Variants in IFT57 observed in about 807,000 individuals in gnomAD.
IFT57 encodes the protein intraflagellar transport protein 57 homolog.
A neutral mutation model predicts 56.8 loss-of-function variants in IFT57; 59 were observed. That is an observed-to-expected ratio of 1.04 (90% CI 0.84 to 1.29). IFT57 has a LOEUF of 1.29. IFT57 is among the 50% of genes most tolerant of loss of function. The pLI is 0.00. For synonymous variants in IFT57, 209 were observed against 186.1 expected (o/e 1.12, Z -1.00); for missense variants, 470 against 522.1 (o/e 0.90, Z 0.97).
At chr3:108,186,086 T>C (rs1441146768) in intron 6 of IFT57, among the ~76,000 whole-genome samples, 1 of 152,052 alleles carries the variant, frequency 6.6e-6, no homozygotes, top group African/African-American at 2.4e-5. Context: ...TTATTACACA[T>C]AGTACTCTAT....
At chr3:108,192,232 C>T (rs2080219859) in intron 5 of IFT57, among the ~76,000 whole-genome samples, 1 of 147,314 alleles carries the variant, frequency 6.8e-6, no homozygotes, top group African/African-American at 2.5e-5. Context: ...GAAATACAAA[C>T]CCCAAATCTG....
chr3:108,162,011 C>G lies in IFT57; in HGVS notation c.*466G>C, dbSNP rs1035761874. 1 of 152,362 alleles carries G rather than the reference C, an allele frequency of 6.6e-6. No individual in the cohort carries two copies. Among genetic ancestry groups the G allele is most frequent in the Admixed American group, 6.5e-5 (1 of 15,278 alleles). The allele number at this position is 152,362 out of a possible 1,614,324, so 9.4% of individuals were successfully genotyped here. The stretch of plus-strand genomic sequence containing the variant: ...TAAAAAAAGTGGCAATTTTAGGTAA[C>G]CATAAAGCTGAGGCAAAGGCAGTTT... On this transcript the variant is annotated 3_prime_UTR_variant, in exon 11 of 11. Transcript: ENST00000264538.
intron 8 of IFT57, among the ~76,000 whole-genome samples, 166 bp from the exon 9 acceptor site, chr3:108,165,659 C>T (rs1024247251): frequency 6.6e-6 from 1 of 152,052 alleles, no homozygotes; most frequent in African/African-American, 2.4e-5. Context: ...TGTTTTATGT[C>T]CCTAATAGGC....
In IFT57 at chr3:108,222,161, G is replaced by C. The variant is rs116572062; in HGVS notation, c.162C>G (p.Leu54=). 8.5e-4 allele frequency: 1,377 copies of C among 1,613,722 alleles called. 10 individuals carry two copies. In the African/African-American group the frequency reaches 0.017, roughly 19 times the overall value. ...MEDLVEKLKL[L]RYEEEFLRKS... is the part of the protein sequence containing the mutation. ...TCCGGAGGAACTCCTCCTCGTAGCG[G>C]AGCAGCTTCAGCTTCTCCACCAAGT... is the stretch of plus-strand genomic sequence containing the variant. The change falls in exon 1 of 11, where the codon CTC becomes CTG. Residue 54 remains leucine (L), a synonymous_variant. Coordinates refer to ENST00000264538, the MANE Select transcript of IFT57 (RefSeq NM_018010.4).
chr3:108,221,950 G>T, intron 1 of IFT57, 161 bp downstream of exon 1: 1 of 1,395,622 alleles, frequency 7.2e-7, no homozygotes, highest in East Asian at 2.5e-5. Context: ...GAGCTCCACG[G>T]ACCTCCCGGG....
chr3:108,168,072 C>T (rs1435315973), intron 6 of IFT57, among the ~76,000 whole-genome samples: 1 of 151,860 alleles, frequency 6.6e-6, no homozygotes, highest in Non-Finnish European at 1.5e-5. Flanking sequence ...AATTATTTCA[C>T]GTGTTCACAG....
intron 6 of IFT57, among the ~76,000 whole-genome samples, chr3:108,184,223 G>T (rs558171030): frequency 2.0e-5 from 3 of 152,068 alleles, no homozygotes; most frequent in Non-Finnish European, 4.4e-5. Flanking sequence ...TGCATCTTTA[G>T]ACACATTATT....
chr3:108,167,516 G>GA (rs1180864230), intron 7 of IFT57, among the ~76,000 whole-genome samples: 4 of 151,032 alleles, frequency 2.6e-5, no homozygotes, highest in Non-Finnish European at 3.0e-5. Context: ...ATTCAGAGAG[G>GA]AAAGGATGAT....
chr3:108,200,479 G>A (rs1268808650), intron 5 of IFT57, among the ~76,000 whole-genome samples: 2 of 151,894 alleles, frequency 1.3e-5, no homozygotes, highest in Non-Finnish European at 2.9e-5. Context: ...AGAGATGGGT[G>A]GGTTTAAAAA....
At chr3:108,182,357 A>G (rs1222825910) in intron 6 of IFT57, among the ~76,000 whole-genome samples, 1 of 152,034 alleles carries the variant, frequency 6.6e-6, no homozygotes, top group Non-Finnish European at 1.5e-5. Flanking sequence ...TCCAATTCTA[A>G]GAGACTTAGA....
chr3:108,196,608 T>C lies in IFT57; in HGVS notation c.655-4965A>G, dbSNP rs184080668. Among the ~76,000 whole-genome samples, 3 of 152,298 alleles carry C rather than the reference T, an allele frequency of 2.0e-5. No individual in the cohort carries two copies. In the East Asian group the frequency reaches 5.8e-4, roughly 29 times the overall value. On this transcript the variant is annotated intron_variant, in intron 5 of 10. Transcript: ENST00000264538. Reference sequence around the variant, plus strand: ...TTTACTAGCTTATTATTTGGTTCCCTTAAGCAACGATTTGCTAACTCCCAC... The same window carrying C: ...TTTACTAGCTTATTATTTGGTTCCCCTAAGCAACGATTTGCTAACTCCCAC...
At chr3:108,212,881 G>A (rs1231897642) in intron 4 of IFT57, among the ~76,000 whole-genome samples, 3 of 151,840 alleles carry the variant, frequency 2.0e-5, no homozygotes, top group Non-Finnish European at 4.4e-5. Context: ...TGAACAACAC[G>A]GGTTTGAACT....
chr3:108,173,643 A>C (rs776146131), intron 6 of IFT57, among the ~76,000 whole-genome samples: 1 of 151,800 alleles, frequency 6.6e-6, no homozygotes, highest in Non-Finnish European at 1.5e-5. Context: ...AATGTTGTAC[A>C]GAAATTGAAA....
intron 4 of IFT57, among the ~76,000 whole-genome samples, chr3:108,210,033 A>C (rs1369361281): frequency 1.3e-5 from 2 of 152,222 alleles, no homozygotes; most frequent in Non-Finnish European, 2.9e-5. Context: ...AGAGGAATTC[A>C]AATGTAAACA....
intron 5 of IFT57, among the ~76,000 whole-genome samples, chr3:108,194,303 CT>C (rs1166334478): frequency 1.3e-5 from 2 of 151,924 alleles, no homozygotes; most frequent in African/African-American, 4.8e-5. Context: ...GTGAAAAAAT[CT>C]TTAGAATGAA....
chr3:108,173,766 C>CTGTGTGTGTGTGTG (rs59233165), intron 6 of IFT57, among the ~76,000 whole-genome samples: 48 of 124,678 alleles, frequency 3.8e-4, no homozygotes, highest in East Asian at 1.2e-3. Flanking sequence ...GTCAGGGACT[C>CTGTGTGTGTGTGTG]TGTGTGTGTG....
rs115696337 is a variant in IFT57 at position 108,194,413 on chromosome 3, T to C, written c.655-2770A>G. The stretch of plus-strand genomic sequence containing the variant: ...AAAATAAATATTATTAAACTGTCCA[T>C]ACTACCCAAAGCAATCTACAGATGC... On this transcript the variant is annotated intron_variant, in intron 5 of 10. Coordinates refer to ENST00000264538, the MANE Select transcript of IFT57 (RefSeq NM_018010.4). 4.0e-3 allele frequency among the ~76,000 whole-genome samples: 613 copies of C among 152,118 alleles called. 8 individuals are homozygous for C. The highest frequency in any genetic ancestry group is 0.014 in the African/African-American group (585 of 41,512).
chr3:108,204,951 C>T (rs144695976), intron 5 of IFT57, among the ~76,000 whole-genome samples: 2 of 152,272 alleles, frequency 1.3e-5, no homozygotes, highest in African/African-American at 4.8e-5. Flanking sequence ...TTGAAAACTA[C>T]AAAACGATCT....
At chr3:108,175,745 T>C (rs723271) in intron 6 of IFT57, among the ~76,000 whole-genome samples, 14,624 of 151,726 alleles carry the variant, frequency 0.096, 770 homozygotes, top group Middle Eastern at 0.12. Context: ...GTAAATGGAA[T>C]TTACATCTAT....
Sources: allele counts gnomAD v4.1 joint callset (sites outside exome capture counted in the v4.1 genomes callset), GRCh38; gene constraint gnomAD v4.1.1; transcripts MANE v1.5; gene names NCBI Gene and HGNC (gene_info 2026-07-23, HGNC 2026-07-21).